The following NR2C1 variants were observed in gnomAD, a reference collection of about 807,000 sequenced individuals.
The protein encoded by NR2C1 is nuclear receptor subfamily 2 group C member 1.
A neutral mutation model predicts 74.8 loss-of-function variants in NR2C1; 33 were observed. The ratio of observed to expected loss-of-function variants is 0.44; its 90% CI spans 0.33 to 0.59. NR2C1 has a LOEUF of 0.59. Ranked by LOEUF, NR2C1 falls within the 20% of genes least tolerant of loss-of-function variation. The probability of loss-of-function intolerance (pLI) is 0.02; values close to 1 mark genes in which losing one functional copy is unlikely to be tolerated. For missense variants in NR2C1, 568 were observed against 715.6 expected, an observed-to-expected ratio of 0.79 and a Z score of 2.35; for synonymous variants, 225 against 240.6, an observed-to-expected ratio of 0.94 and a Z score of 0.60.
chr12:95,038,072 T>C (rs189587158), intron 10 of NR2C1, among the ~76,000 whole-genome samples: 16 of 152,282 alleles, frequency 1.1e-4, no homozygotes, highest in East Asian at 3.9e-4. Flanking sequence ...AGAGTTTACA[T>C]AATGGCCTTG....
At position 95,057,578 on chromosome 12, in the gene NR2C1, G is replaced by A. The variant is rs1356781545; in HGVS notation, c.758C>T (p.Ser253Leu). The change falls in exon 7 of 14, where the codon TCA (serine) becomes TTA (leucine). Residue 253 changes from serine (S) to leucine (L), a missense_variant. By Grantham distance (145) the Ser-to-Leu change is moderately radical. Coordinates refer to ENST00000333003, the MANE Select transcript of NR2C1 (RefSeq NM_003297.4). ...NIHPSGVKTE[S>L]AVLMTSDKAE... ...CTTATCTGATGTCATCAGCACAGCT[G>A]ACTCAGTTTTTACTCCAGATGGATG... 2 of 1,613,572 alleles carry A rather than the reference G, an allele frequency of 1.2e-6. No individual in the cohort carries two copies. Among genetic ancestry groups the A allele is most frequent in the Non-Finnish European group, 1.7e-6 (2 of 1,179,552 alleles).
intron 11 of NR2C1, chr12:95,030,949 A>G (rs1870021237): frequency 8.9e-7 from 1 of 1,127,242 alleles, no homozygotes; most frequent in Non-Finnish European, 1.3e-6. Context: ...ATACACTCTG[A>G]TGAATTGATA....
chr12:95,053,845 A>G (rs549407186), intron 7 of NR2C1, among the ~76,000 whole-genome samples: 40 of 151,742 alleles, frequency 2.6e-4, no homozygotes, highest in Non-Finnish European at 5.6e-4. Context: ...CACCATGCCC[A>G]GCTAATTTTT....
intron 10 of NR2C1, among the ~76,000 whole-genome samples, chr12:95,031,819 A>C (rs527579447): frequency 3.9e-5 from 6 of 152,366 alleles, no homozygotes; most frequent in South Asian, 2.1e-4. Context: ...TTAAAAAAAA[A>C]CTTTTGCTTT....
Position 95,043,555 on chromosome 12 carries a change from G to A in NR2C1, c.1132-2958C>T, listed in dbSNP as rs189269027. ...ATACAAAAAATTAGCCGGGCATGGC[G>A]GTGTGTGCCTGTAATCCCAGCTACT... On this transcript the variant is annotated intron_variant, in intron 9 of 13. Coordinates refer to ENST00000333003, the MANE Select transcript of NR2C1 (RefSeq NM_003297.4). Among the ~76,000 whole-genome samples, 146 of 151,438 alleles carry A rather than the reference G, an allele frequency of 9.6e-4. 1 individual carries two copies. In the East Asian group the frequency reaches 0.021, roughly 22 times the overall value.
intron 7 of NR2C1, 105 bp downstream of exon 7, chr12:95,057,448 T>A: frequency 2.6e-6 from 2 of 759,530 alleles, no homozygotes; most frequent in East Asian, 2.8e-5. Flanking sequence ...CAACTTGTAA[T>A]ATGGAATATT....
intron 2 of NR2C1, among the ~76,000 whole-genome samples, chr12:95,063,089 T>TG (rs1425759345): frequency 6.6e-6 from 1 of 152,154 alleles, no homozygotes; most frequent in African/African-American, 2.4e-5. Flanking sequence ...TTTATTTTAG[T>TG]GGGGAAAGAC....
intron 2 of NR2C1, among the ~76,000 whole-genome samples, chr12:95,064,638 C>T (rs962162995): frequency 6.6e-6 from 1 of 152,160 alleles, no homozygotes; most frequent in South Asian, 2.1e-4. Context: ...GAACTGCCAT[C>T]TGCCATCTGG....
In NR2C1 at chr12:95,028,156, CTATT is replaced by C. The variant is rs1209401845; in HGVS notation, c.1531+227_1531+230del. ...ACTATTATAAATAATGCTGCTATGA[CTATT>C]TATATACACATTCTTGCATAGATAT... On this transcript the variant is annotated intron_variant, in intron 12 of 13. Transcript: ENST00000333003. The C allele has an allele frequency of 1.6e-5, 6 of 377,444 alleles. No homozygotes were observed. The South Asian group carries it at 1.8e-4, about 11-fold the overall frequency. 23.4% of individuals were successfully genotyped at this position (377,444 alleles called of 1,614,324 possible).
intron 8 of NR2C1, among the ~76,000 whole-genome samples, chr12:95,049,946 C>T (rs538856282): frequency 5.9e-5 from 9 of 152,138 alleles, no homozygotes; most frequent in East Asian, 3.9e-4. Context: ...ACTACATGTG[C>T]GCACCACCAT....
At chr12:95,040,091 T>G (rs1871324534) in intron 10 of NR2C1, among the ~76,000 whole-genome samples, 1 of 152,158 alleles carries the variant, frequency 6.6e-6, no homozygotes, top group Non-Finnish European at 1.5e-5. Flanking sequence ...AATTCAGCTC[T>G]TTAGTAACAT....
chr12:95,043,912 G>A (rs1871948979), intron 9 of NR2C1, among the ~76,000 whole-genome samples: 1 of 152,040 alleles, frequency 6.6e-6, no homozygotes, highest in Non-Finnish European at 1.5e-5. Context: ...AACTTATAAA[G>A]AGAGAAAATG....
At chr12:95,071,712 T>G (rs1233084975) in intron 1 of NR2C1, among the ~76,000 whole-genome samples, 1 of 151,840 alleles carries the variant, frequency 6.6e-6, no homozygotes, top group South Asian at 2.1e-4. Context: ...AACATGCCCC[T>G]TGAAAAACTA....
intron 11 of NR2C1, 93 bp downstream of exon 11, chr12:95,031,253 TATA>T (rs201324534): frequency 4.8e-5 from 49 of 1,026,708 alleles, no homozygotes; most frequent in African/African-American, 6.8e-5. Context: ...AAAACACTAA[TATA>T]ATAATTATTA....
At chr12:95,072,297 C>CAAAAAAA (rs769410702) in intron 1 of NR2C1, among the ~76,000 whole-genome samples, 1 of 121,322 alleles carries the variant, frequency 8.2e-6, no homozygotes, top group African/African-American at 4.2e-5. Flanking sequence ...AAAACAAAAA[C>CAAAAAAA]AAAAAAACTA....
At chr12:95,033,400 T>A (rs913600648) in intron 10 of NR2C1, among the ~76,000 whole-genome samples, 1 of 152,006 alleles carries the variant, frequency 6.6e-6, no homozygotes, top group Non-Finnish European at 1.5e-5. Context: ...GTGGTGACAT[T>A]TGACTGGAGA....
intron 10 of NR2C1, among the ~76,000 whole-genome samples, chr12:95,037,176 G>A (rs1231623355): frequency 2.0e-5 from 3 of 152,142 alleles, no homozygotes; most frequent in Non-Finnish European, 4.4e-5. Context: ...GATGACTGCT[G>A]CCATACTTAC....
At chr12:95,042,922 C>A (rs376529208) in intron 9 of NR2C1, among the ~76,000 whole-genome samples, 61 of 143,446 alleles carry the variant, frequency 4.3e-4, no homozygotes, top group African/African-American at 1.6e-3. Context: ...CATAACGAGA[C>A]CCATTTCTAC....
intron 10 of NR2C1, among the ~76,000 whole-genome samples, chr12:95,034,030 T>C (rs1242908615): frequency 6.6e-6 from 1 of 152,230 alleles, no homozygotes; most frequent in Non-Finnish European, 1.5e-5. Context: ...ATGGTACTTA[T>C]ATATTTTTCT....
Sources: gnomAD v4.1 joint callset for allele counts (sites outside exome capture counted in the v4.1 genomes callset) on GRCh38, gnomAD v4.1.1 for gene constraint, MANE v1.5 for transcripts, NCBI Gene and HGNC (gene_info 2026-07-23, HGNC 2026-07-21) for gene names.